Variants in DENND2C observed in about 807,000 individuals in gnomAD.
The protein encoded by DENND2C is DENN domain containing 2C.
Under a neutral mutation model 112.4 loss-of-function variants are expected in DENND2C, and 72 were observed. The observed-to-expected ratio is 0.64, with a 90% CI of 0.53 to 0.78. The LOEUF is 0.78. DENND2C is among the 30% of genes least tolerant of loss of function. The pLI, the probability that DENND2C is intolerant of heterozygous loss-of-function variation, is 0.00. For missense variants in DENND2C, 992 were observed against 1,113.8 expected, an observed-to-expected ratio of 0.89 and a Z score of 1.56; for synonymous variants, 329 against 381.6, an observed-to-expected ratio of 0.86 and a Z score of 1.61.
At chr1:114,633,274 G>A (rs111379701) in intron 3 of DENND2C, among the ~76,000 whole-genome samples, 2,445 of 151,678 alleles carry the variant, frequency 0.016, 64 homozygotes, top group African/African-American at 0.056. Flanking sequence ...GTGAAGCCCC[G>A]TCCCTACTAA....
At chr1:114,619,916 G>A (rs547941520) in intron 7 of DENND2C, among the ~76,000 whole-genome samples, 13 of 152,300 alleles carry the variant, frequency 8.5e-5, no homozygotes, top group Non-Finnish European at 1.6e-4. Flanking sequence ...AAGAAATACT[G>A]TAGAATATTC....
At position 114,605,005 on chromosome 1, in the gene DENND2C, T is replaced by C. The variant is rs769718351; in HGVS notation, c.1584A>G (p.Lys528=). Residue 528 remains lysine, a synonymous_variant, in exon 11 of 21, where the codon AAA becomes AAG. Coordinates refer to ENST00000393274, the MANE Select transcript of DENND2C (RefSeq NM_001256404.2). ...GKDDHGYKQS[K]DMEERLKVIP... ...TAACTTTAAGTCTCTCTTCCATGTC[T>C]TTGGACTGCTTATAGCCATGATCAT... is the stretch of plus-strand genomic sequence containing the variant. 3 of 1,613,576 alleles carry C rather than the reference T, an allele frequency of 1.9e-6. No homozygotes were observed. The Admixed American group carries it at 5.0e-5, about 27-fold the overall frequency.
At chr1:114,613,470 T>C (rs192295571) in intron 8 of DENND2C, among the ~76,000 whole-genome samples, 5 of 152,308 alleles carry the variant, frequency 3.3e-5, no homozygotes, top group Admixed American at 6.5e-5. Flanking sequence ...AAAATGCTTA[T>C]TTAAATATTG....
At chr1:114,602,029 C>A in intron 12 of DENND2C, 96 bp downstream of exon 12, 1 of 1,177,934 alleles carries the variant, frequency 8.5e-7, no homozygotes, top group Non-Finnish European at 1.2e-6. Flanking sequence ...CATTGAGCAT[C>A]CCTCAAACTC....
chr1:114,614,968 C>T (rs767840535), intron 8 of DENND2C, among the ~76,000 whole-genome samples: 18 of 151,372 alleles, frequency 1.2e-4, no homozygotes, highest in Non-Finnish European at 1.3e-4. Flanking sequence ...GAGCCGAGAT[C>T]GCACAACTGC....
intron 8 of DENND2C, among the ~76,000 whole-genome samples, chr1:114,617,990 A>T (rs909934039): frequency 2.1e-5 from 3 of 144,438 alleles, no homozygotes; most frequent in African/African-American, 2.5e-5. Flanking sequence ...AGTAAACCAA[A>T]TTTTTTTTTT....
chr1:114,613,202 CT>C (rs1655870749), intron 8 of DENND2C, among the ~76,000 whole-genome samples: 1 of 152,138 alleles, frequency 6.6e-6, no homozygotes. Context: ...CTATGTGGAT[CT>C]CTATGTGTTG....
At chr1:114,610,809 C>T (rs1208775022) in intron 9 of DENND2C, among the ~76,000 whole-genome samples, 3 of 152,068 alleles carry the variant, frequency 2.0e-5, no homozygotes, top group African/African-American at 4.8e-5. Context: ...AGCTCTCTGC[C>T]GCTCCCCTAA....
At chr1:114,611,205 G>T in intron 8 of DENND2C, 88 bp from the exon 9 acceptor site, 1 of 1,449,874 alleles carries the variant, frequency 6.9e-7, no homozygotes, top group South Asian at 1.2e-5. Context: ...CAAACCTGGG[G>T]ACTTGGAGTA....
At chr1:114,595,714 A>G in intron 17 of DENND2C, 118 bp downstream of exon 17, 1 of 901,278 alleles carries the variant, frequency 1.1e-6, no homozygotes, top group Non-Finnish European at 1.8e-6. Flanking sequence ...AAGTATGTGT[A>G]GGAACTAAAA....
chr1:114,626,146 G>C lies in DENND2C; in HGVS notation c.-162C>G. On this transcript the variant is annotated 5_prime_UTR_variant, in exon 4 of 21. Coordinates refer to ENST00000393274, the MANE Select transcript of DENND2C (RefSeq NM_001256404.2). ...CTTTGTAAAAAGAAAATTTTGATCA[G>C]TGATCCTTGTTGAAAATGGCTACAA... The C allele has an allele frequency of 1.5e-6, 1 of 682,138 alleles. No individual in the cohort carries two copies. The highest frequency in any genetic ancestry group is 2.3e-6 in the Non-Finnish European group (1 of 430,826). The allele number at this position is 682,138 out of a possible 1,614,324, so 42.3% of individuals were successfully genotyped here. A position where few individuals can be genotyped will look rare whatever the true frequency, so the allele number is the denominator to read the frequency against.
At chr1:114,596,365 T>C (rs1655341851) in intron 16 of DENND2C, among the ~76,000 whole-genome samples, 1 of 152,098 alleles carries the variant, frequency 6.6e-6, no homozygotes, top group Non-Finnish European at 1.5e-5. Context: ...TGTCTCTAAA[T>C]AAACAAATAA....
intron 8 of DENND2C, among the ~76,000 whole-genome samples, chr1:114,616,073 A>C (rs1452454338): frequency 6.7e-6 from 1 of 149,642 alleles, no homozygotes; most frequent in African/African-American, 2.5e-5. Flanking sequence ...AGACTGTCTC[A>C]AAAGAAAAGA....
rs765422923 is a variant in DENND2C at position 114,601,597 on chromosome 1, AAAC to A, written c.1738-15_1738-13del. The A allele has an allele frequency of 1.6e-5, 25 of 1,606,824 alleles. No individual in the cohort carries two copies. In the East Asian group the frequency reaches 2.2e-4, roughly 14 times the overall value. On this transcript the variant is annotated splice_polypyrimidine_tract_variant and intron_variant, in intron 12 of 20. Coordinates refer to ENST00000393274, the MANE Select transcript of DENND2C (RefSeq NM_001256404.2). ...CCTTTGCCTACTGGCTAAAAGATAA[AAAC>A]AACAACAACAAAAAAATCAAGCCGC...
At chr1:114,636,938 C>A (rs1338149537) in intron 3 of DENND2C, among the ~76,000 whole-genome samples, 1 of 151,472 alleles carries the variant, frequency 6.6e-6, no homozygotes, top group Non-Finnish European at 1.5e-5. Context: ...ATAACAGGTA[C>A]AACAGCATAA....
chr1:114,599,494 A>G, intron 15 of DENND2C, 43 bp from the exon 16 acceptor site: 1 of 1,465,984 alleles, frequency 6.8e-7, no homozygotes. Context: ...ATAGAGTAAC[A>G]TAAGGAGGAC....
In DENND2C at chr1:114,626,110, CTT is replaced by C; in HGVS notation, c.-128_-127del. ...TCCAGTATTTTCCCTTCATGTTTAA[CTT>C]GTAAATCTCTTTGTAAAAAGAAAAT... On this transcript the variant is annotated 5_prime_UTR_variant, in exon 4 of 21. Coordinates refer to ENST00000393274, the MANE Select transcript of DENND2C (RefSeq NM_001256404.2). The C allele has an allele frequency of 9.7e-7, 1 of 1,034,458 alleles. No homozygotes were observed. The highest frequency in any genetic ancestry group is 1.3e-6 in the Non-Finnish European group (1 of 743,324). The allele number at this position is 1,034,458 out of a possible 1,614,324, so 64.1% of individuals were successfully genotyped here.
chr1:114,608,695 G>C lies in DENND2C; in HGVS notation c.1548C>G (p.Phe516Leu), dbSNP rs200263613. The change falls in exon 10 of 21, where the codon TTC becomes TTG. Residue 516 changes from phenylalanine to leucine, a missense_variant. This residue lies in a region of DENND2C where 516 missense variants were observed against 623.6 expected (regional missense o/e 0.83). Transcript: ENST00000393274. ...ISYIPQVIQQ[F>L]PGKDDHGYKQ... The stretch of plus-strand genomic sequence containing the variant: ...GCCTCCTTGTGCCTACCTTGCCAGG[G>C]AATTGTTGTATGACCTGGGGAATAT... The C allele has an allele frequency of 5.0e-6, 8 of 1,613,484 alleles. No homozygotes were observed. The Middle Eastern group carries it at 8.2e-4, about 166-fold the overall frequency.
chr1:114,665,360 C>T (rs1557964149), intron 1 of DENND2C, among the ~76,000 whole-genome samples: 1 of 151,662 alleles, frequency 6.6e-6, no homozygotes, highest in African/African-American at 2.4e-5. Flanking sequence ...AGAAGATCTA[C>T]GTTCTTGTGT....
Sources: gnomAD v4.1 joint callset for allele counts (sites outside exome capture counted in the v4.1 genomes callset) on GRCh38, gnomAD v4.1.1 for gene constraint, gnomAD v4.1.1 regional missense constraint, MANE v1.5 for transcripts, NCBI Gene and HGNC (gene_info 2026-07-23, HGNC 2026-07-21) for gene names.